Variants in FRMD6 observed in about 807,000 individuals in gnomAD.
FRMD6 encodes the protein FERM domain-containing protein 6.
In FRMD6, 37 loss-of-function variants were observed where a neutral mutation model predicts 73.2. The observed-to-expected ratio is 0.51, with a 90% confidence interval of 0.39 to 0.66. FRMD6 has a LOEUF of 0.66. Ranked by LOEUF, FRMD6 falls within the 30% of genes least tolerant of loss-of-function variation. The pLI is 0.00. For missense variants in FRMD6, 714 were observed against 780.5 expected, an observed-to-expected ratio of 0.91 and a Z score of 1.02; for synonymous variants, 273 against 282.2, an observed-to-expected ratio of 0.97 and a Z score of 0.33.
the FRMD6 span, among the ~76,000 whole-genome samples, chr14:51,423,120 T>A: frequency 8.7e-3 from 1,327 of 152,320 alleles, 21 homozygotes; most frequent in South Asian, 0.027. Flanking sequence ...ACCTTTGTTG[T>A]GCTAGGCCAC....
rs1005731713 is a variant in FRMD6, at chr14:51,603,924, C to T, written c.-147+33514C>T. Among the ~76,000 whole-genome samples, 10 of 141,748 alleles carry T rather than the reference C, an allele frequency of 7.1e-5. No individual in the cohort carries two copies. The East Asian group carries it at 1.6e-3, about 23-fold the overall frequency. 93.0% of individuals were successfully genotyped at this position (141,748 alleles called of 152,430 possible). A position where few individuals can be genotyped will look rare whatever the true frequency, so the allele number is the denominator to read the frequency against. On this transcript the variant is annotated intron_variant, in intron 2 of 14. Transcript: ENST00000356218. ...TTGCCATACGATGTCCTGCCTTCCA[C>T]GGTAATTTCTCTTGTGATACAAAAA...
chr14:51,687,902 T>C (rs1008868046), intron 1 of FRMD6, among the ~76,000 whole-genome samples: 37 of 152,210 alleles, frequency 2.4e-4, no homozygotes, highest in Admixed American at 2.0e-4. Flanking sequence ...AACCCTCTGC[T>C]CAGTCCCTTC....
chr14:51,446,101 C>T, the FRMD6 span, among the ~76,000 whole-genome samples: 1 of 152,196 alleles, frequency 6.6e-6, no homozygotes, highest in Admixed American at 6.5e-5. Context: ...TTAGCTTCTA[C>T]ACTGTCTTGC....
At chr14:51,601,544 A>G (rs930981732) in intron 2 of FRMD6, among the ~76,000 whole-genome samples, 4 of 152,200 alleles carry the variant, frequency 2.6e-5, no homozygotes, top group African/African-American at 9.7e-5. Context: ...TCATGAATGC[A>G]TTTTGTTTGG....
At chr14:51,563,054 A>G (rs1887568414) in intron 1 of FRMD6, among the ~76,000 whole-genome samples, 1 of 152,186 alleles carries the variant, frequency 6.6e-6, no homozygotes, top group South Asian at 2.1e-4. Flanking sequence ...GTAGGCAGAG[A>G]GCACAGTAGG....
chr14:51,695,454 T>C (rs546594400), intron 2 of FRMD6, among the ~76,000 whole-genome samples: 1 of 152,262 alleles, frequency 6.6e-6, no homozygotes, highest in East Asian at 1.9e-4. Flanking sequence ...ACAAAGAGAA[T>C]GATAATGATT....
intron 1 of FRMD6, among the ~76,000 whole-genome samples, chr14:51,674,815 C>T (rs1009828065): frequency 3.9e-5 from 6 of 151,958 alleles, no homozygotes; most frequent in African/African-American, 7.2e-5. Flanking sequence ...ACGCACGAAC[C>T]GAACAACCAG....
intron 2 of FRMD6, among the ~76,000 whole-genome samples, chr14:51,625,464 TTG>T (rs535251087): frequency 0.065 from 1,513 of 23,448 alleles, 67 homozygotes; most frequent in Admixed American, 0.32. Flanking sequence ...TCTTTTTTTT[TTG>T]TTGTTGTTGT....
At chr14:51,703,771 A>G (rs1238693686) in intron 5 of FRMD6, among the ~76,000 whole-genome samples, 2 of 152,064 alleles carry the variant, frequency 1.3e-5, no homozygotes, top group Non-Finnish European at 2.9e-5. Flanking sequence ...CTTTCTACTT[A>G]ACCATGGTCT....
At chr14:51,486,851 A>G (rs767292249), upstream of FRMD6, among the ~76,000 whole-genome samples, 3 of 152,206 alleles carry the variant, frequency 2.0e-5, no homozygotes, top group Admixed American at 2.0e-4. Flanking sequence ...ATGCAATGCT[A>G]TATATGCTAG....
chr14:51,459,882 C>CTTTTTTTTTT, the FRMD6 span, among the ~76,000 whole-genome samples: 1 of 23,430 alleles, frequency 4.3e-5, no homozygotes, highest in African/African-American at 2.2e-4. Flanking sequence ...ATTACTGACT[C>CTTTTTTTTTT]TCTTTTTTTT....
At chr14:51,484,049 A>G in the FRMD6 span, among the ~76,000 whole-genome samples, 1 of 152,190 alleles carries the variant, frequency 6.6e-6, no homozygotes, top group Non-Finnish European at 1.5e-5. Flanking sequence ...TGAGGTCTAG[A>G]AAAGCACCTT....
chr14:51,589,383 T>C (rs1175324680), intron 2 of FRMD6, among the ~76,000 whole-genome samples: 1 of 152,036 alleles, frequency 6.6e-6, no homozygotes. Flanking sequence ...TTTTCTTTTT[T>C]CTTTTTTTGC....
chr14:51,727,150 A>AT (rs1254403752), intron 13 of FRMD6, among the ~76,000 whole-genome samples: 1 of 152,064 alleles, frequency 6.6e-6, no homozygotes, highest in Admixed American at 6.5e-5. Flanking sequence ...AACACCCTAT[A>AT]TCCTACCCAG....
At chr14:51,457,235 A>C in the FRMD6 span, among the ~76,000 whole-genome samples, 1 of 152,252 alleles carries the variant, frequency 6.6e-6, no homozygotes, top group Non-Finnish European at 1.5e-5. Context: ...AAAGCATCAC[A>C]ATATATCCCA....
At chr14:51,584,630 T>C (rs1888918194) in intron 2 of FRMD6, among the ~76,000 whole-genome samples, 1 of 152,132 alleles carries the variant, frequency 6.6e-6, no homozygotes, top group Non-Finnish European at 1.5e-5. Context: ...CATTAATCAG[T>C]TGCCACCATC....
chr14:51,706,951 A>G (rs915694177), intron 6 of FRMD6, among the ~76,000 whole-genome samples: 1 of 152,066 alleles, frequency 6.6e-6, no homozygotes, highest in African/African-American at 2.4e-5. Flanking sequence ...GCATGTTTGC[A>G]TTCTCTGGTT....
intron 1 of FRMD6, among the ~76,000 whole-genome samples, chr14:51,542,576 T>C (rs1886259336): frequency 6.6e-6 from 1 of 152,090 alleles, no homozygotes; most frequent in Non-Finnish European, 1.5e-5. Flanking sequence ...TTGTGAATAG[T>C]GCTTCTATGA....
chr14:51,696,765 A>AAT (rs35447766), intron 2 of FRMD6, among the ~76,000 whole-genome samples: 35 of 150,628 alleles, frequency 2.3e-4, no homozygotes, highest in Admixed American at 4.0e-4. Flanking sequence ...AAAAAAAAAA[A>AAT]GTCGATTGAG....
Sources: gnomAD v4.1 joint callset for allele counts (sites outside exome capture counted in the v4.1 genomes callset) on GRCh38, gnomAD v4.1.1 for gene constraint, MANE v1.5 for transcripts, NCBI Gene and HGNC (gene_info 2026-07-23, HGNC 2026-07-21) for gene names.